PHKB: variants seen among roughly 807,000 people sequenced by gnomAD.
PHKB encodes the protein phosphorylase kinase regulatory subunit beta, also known as phosphorylase b kinase regulatory subunit beta.
PHKB carries 122 observed loss-of-function variants against 152.1 expected under a neutral mutation model. The observed-to-expected ratio is 0.80, with a 90% CI of 0.69 to 0.93. PHKB has a LOEUF of 0.93. Among genes scored for constraint, PHKB ranks in the 40% least tolerant of loss-of-function variants. PHKB has a pLI of 0.00. For missense variants in PHKB, 1,304 were observed against 1,328.4 expected (o/e 0.98, Z 0.29); for synonymous variants, 436 against 464.9 (o/e 0.94, Z 0.80).
At chr16:47,563,495 T>A (rs942915769) in intron 7 of PHKB, among the ~76,000 whole-genome samples, 2 of 152,074 alleles carry the variant, frequency 1.3e-5, no homozygotes, top group Non-Finnish European at 2.9e-5. Flanking sequence ...AGGGAATCAT[T>A]TTTTTCTGAG....
At chr16:47,611,911 G>A (rs1056789191) in intron 14 of PHKB, among the ~76,000 whole-genome samples, 3 of 152,162 alleles carry the variant, frequency 2.0e-5, no homozygotes, top group African/African-American at 7.2e-5. Flanking sequence ...TTTCTCACTG[G>A]CCTGTTAGCT....
intron 1 of PHKB, among the ~76,000 whole-genome samples, chr16:47,491,732 A>T (rs1970153492): frequency 6.6e-6 from 1 of 152,220 alleles, no homozygotes; most frequent in African/African-American, 2.4e-5. Context: ...AAAAAATGCC[A>T]GATAACACAA....
intron 16 of PHKB, among the ~76,000 whole-genome samples, chr16:47,643,270 A>G (rs1235767082): frequency 6.6e-6 from 1 of 152,198 alleles, no homozygotes; most frequent in Non-Finnish European, 1.5e-5. Context: ...CTCATATGAA[A>G]TGACTTTGTC....
chr16:47,616,867 T>G (rs990314786), intron 14 of PHKB, among the ~76,000 whole-genome samples: 2 of 151,392 alleles, frequency 1.3e-5, no homozygotes, highest in Non-Finnish European at 2.9e-5. Context: ...AAGCCAGTCA[T>G]AAGATTTAAA....
Position 47,669,202 on chromosome 16 carries a change from C to T in PHKB, c.2428-13C>T. ...GCTAGGAGAATTTTACAATAAAATT[C>T]TGCCACTTGTAGGTAACTCTGGGTG... On this transcript the variant is annotated splice_polypyrimidine_tract_variant and intron_variant, in intron 25 of 30. Transcript: ENST00000323584. 6.2e-7 allele frequency: 1 copy of T among 1,604,024 alleles called. No homozygotes were observed. The highest frequency in any genetic ancestry group is 8.5e-7 in the Non-Finnish European group (1 of 1,171,046).
chr16:47,513,796 A>T (rs992541951), intron 5 of PHKB, among the ~76,000 whole-genome samples: 1 of 152,208 alleles, frequency 6.6e-6, no homozygotes, highest in Non-Finnish European at 1.5e-5. Context: ...TCCTGGCTGA[A>T]AGTTTTTCAC....
intron 1 of PHKB, among the ~76,000 whole-genome samples, chr16:47,491,219 G>A (rs1970144769): frequency 6.6e-6 from 1 of 151,996 alleles, no homozygotes; most frequent in East Asian, 1.9e-4. Context: ...TGTCTATAAG[G>A]GGACAGACAT....
intron 20 of PHKB, among the ~76,000 whole-genome samples, chr16:47,656,637 T>C (rs1973344297): frequency 1.3e-5 from 2 of 152,230 alleles, no homozygotes; most frequent in African/African-American, 4.8e-5. Context: ...AGAACTGTTT[T>C]CATCTTGCAA....
chr16:47,620,207 T>C (rs1233891259), intron 14 of PHKB, among the ~76,000 whole-genome samples: 1 of 152,180 alleles, frequency 6.6e-6, no homozygotes, highest in African/African-American at 2.4e-5. Context: ...CATTCTAGTG[T>C]CAAAGGAAGA....
chr16:47,512,211 A>T lies in PHKB; in HGVS notation c.513+439A>T, dbSNP rs541348792. Among the ~76,000 whole-genome samples the T allele has an allele frequency of 3.3e-5, 5 of 152,358 alleles. No individual in the cohort carries two copies. In the East Asian group the frequency reaches 9.6e-4, roughly 29 times the overall value. Reference sequence around the variant, plus strand: ...AATAATTTTCAAATTACATTCTATAAATTGTTCAAAATAGAAGTATAGAAT... The same window carrying T: ...AATAATTTTCAAATTACATTCTATATATTGTTCAAAATAGAAGTATAGAAT... On this transcript the variant is annotated intron_variant, in intron 5 of 30. Transcript: ENST00000323584.
Position 47,699,526 on chromosome 16 carries a change from C to A in PHKB, c.*160C>A. The A allele has an allele frequency of 1.3e-6, 1 of 794,404 alleles. No homozygotes were observed. The highest frequency in any genetic ancestry group is 1.8e-5 in the Admixed American group (1 of 54,970). 49.2% of individuals were successfully genotyped at this position (794,404 alleles called of 1,614,324 possible). ...GTTATGGACCTCTTGCATGTCATAGCCAATCTAACGGTAATGGTAAATGCT... is the reference window on the plus strand; with the variant it reads ...GTTATGGACCTCTTGCATGTCATAGACAATCTAACGGTAATGGTAAATGCT... On this transcript the variant is annotated 3_prime_UTR_variant, in exon 31 of 31. Transcript: ENST00000323584.
chr16:47,542,292 C>T (rs774053685), intron 6 of PHKB, among the ~76,000 whole-genome samples: 1 of 152,078 alleles, frequency 6.6e-6, no homozygotes, highest in Non-Finnish European at 1.5e-5. Flanking sequence ...TAAGGTTTGT[C>T]AAAGATCAGA....
At chr16:47,684,989 G>C (rs1425638187) in intron 26 of PHKB, among the ~76,000 whole-genome samples, 1 of 152,156 alleles carries the variant, frequency 6.6e-6, no homozygotes, top group Non-Finnish European at 1.5e-5. Flanking sequence ...CTCTTACACA[G>C]ACTGAATGTA....
At chr16:47,684,427 A>T (rs953053947) in intron 26 of PHKB, among the ~76,000 whole-genome samples, 1 of 152,200 alleles carries the variant, frequency 6.6e-6, no homozygotes, top group African/African-American at 2.4e-5. Context: ...TATATCGGAA[A>T]GAAACATGCC....
At chr16:47,601,946 A>G (rs1972235194) in intron 13 of PHKB, among the ~76,000 whole-genome samples, 4 of 152,226 alleles carry the variant, frequency 2.6e-5, no homozygotes, top group Admixed American at 6.5e-5. Context: ...AAAACAAGAT[A>G]TATTCTCTTG....
At chr16:47,620,653 A>C (rs1264912824) in intron 14 of PHKB, among the ~76,000 whole-genome samples, 1 of 152,160 alleles carries the variant, frequency 6.6e-6, no homozygotes, top group African/African-American at 2.4e-5. Context: ...AGGCAAGTGG[A>C]TCACGAGGTC....
chr16:47,561,287 A>G lies in PHKB; in HGVS notation c.710+13739A>G, dbSNP rs1971471353. 3 of 152,324 alleles carry G rather than the reference A, an allele frequency of 2.0e-5. No individual in the cohort carries two copies. In the South Asian group the frequency reaches 6.2e-4, roughly 32 times the overall value. 9.4% of individuals were successfully genotyped at this position (152,324 alleles called of 1,614,324 possible). The stretch of plus-strand genomic sequence containing the variant: ...CCCATTCCAGATGGGCCTGGGCATC[A>G]TTGTACAGTTGTGATTTTCTTGTAA... On this transcript the variant is annotated intron_variant, in intron 7 of 30. Coordinates refer to ENST00000323584, the MANE Select transcript of PHKB (RefSeq NM_000293.3).
Position 47,461,348 on chromosome 16 carries a change from G to C in PHKB, c.-3G>C, listed in dbSNP as rs1969547738. 1.2e-6 allele frequency: 2 copies of C among 1,608,784 alleles called. No homozygotes were observed. The highest frequency in any genetic ancestry group is 1.7e-5 in the Admixed American group (1 of 59,686). On this transcript the variant is annotated 5_prime_UTR_variant, in exon 1 of 31. Transcript: ENST00000323584. The stretch of plus-strand genomic sequence containing the variant: ...CGGTGGCCAAGGCGGCGACCGGAGC[G>C]CGATGGCGGGGGCGGCGGGACTCAC...
chr16:47,642,780 C>T (rs752275479), intron 16 of PHKB, among the ~76,000 whole-genome samples: 2 of 152,062 alleles, frequency 1.3e-5, no homozygotes, highest in Non-Finnish European at 2.9e-5. Flanking sequence ...TATACCTTCT[C>T]CAATAAATTT....
Sources: gnomAD v4.1 joint callset for allele counts (sites outside exome capture counted in the v4.1 genomes callset) on GRCh38, gnomAD v4.1.1 for gene constraint, MANE v1.5 for transcripts, NCBI Gene and HGNC (gene_info 2026-07-23, HGNC 2026-07-21) for gene names.